KCNK10: variants seen among roughly 807,000 people sequenced by gnomAD.
KCNK10 encodes the protein potassium channel subfamily K member 10.
A neutral mutation model predicts 47.7 loss-of-function variants in KCNK10; 25 were observed. The ratio of observed to expected loss-of-function variants is 0.52; its 90% CI spans 0.38 to 0.73. The LOEUF (loss-of-function observed/expected upper bound fraction) is 0.73, where lower values mean the gene tolerates loss of function less well. KCNK10 is among the 30% of genes least tolerant of loss of function. The pLI is 0.00. For synonymous variants in KCNK10, 303 were observed against 285.6 expected (o/e 1.06, Z -0.61); for missense variants, 563 against 714.5 (o/e 0.79, Z 2.42).
chr14:88,278,221 T>TAG (rs1887568222), intron 1 of KCNK10, among the ~76,000 whole-genome samples: 1 of 152,192 alleles, frequency 6.6e-6, no homozygotes, highest in African/African-American at 2.4e-5. Context: ...ATGGATCATA[T>TAG]AGAAGTCTGC....
At chr14:88,268,545 G>C (rs1887330398) in intron 1 of KCNK10, among the ~76,000 whole-genome samples, 3 of 152,188 alleles carry the variant, frequency 2.0e-5, no homozygotes, top group Admixed American at 1.3e-4. Flanking sequence ...CAGAGTGTAG[G>C]AACAGGAAAA....
chr14:88,270,975 C>A (rs1887393290), intron 1 of KCNK10: 3 of 632,520 alleles, frequency 4.7e-6, no homozygotes, highest in African/African-American at 3.6e-5. Flanking sequence ...CACTGCCACG[C>A]CCCCACAAGC....
chr14:88,322,428 C>A lies in KCNK10; in HGVS notation c.52+319G>T, dbSNP rs1888567319. On this transcript the variant is annotated intron_variant, in intron 1 of 6. Coordinates refer to ENST00000319231, the MANE Select transcript of KCNK10 (RefSeq NM_138317.3). This position sits in a 1 kb window ranked among gnomAD's most constrained non-coding sequence, Gnocchi z 4.8. ...CAAAGGACACACACACACACACACA[C>A]ACACACACACACTCGCACACTCAAA... Among the ~76,000 whole-genome samples, 1 of 152,100 alleles carries A rather than the reference C, an allele frequency of 6.6e-6. No individual in the cohort carries two copies. Among genetic ancestry groups the A allele is most frequent in the African/African-American group, 2.4e-5 (1 of 41,410 alleles).
chr14:88,323,230 G>A lies in KCNK10; in HGVS notation c.-432C>T. On this transcript the variant is annotated 5_prime_UTR_variant, in exon 1 of 7. Transcript: ENST00000319231. ...CGAAGGCGTGTGCGCACACACTCCC[G>A]CACACACACACCCGCACACACACTC... 9 of 1,008,576 alleles carry A rather than the reference G, an allele frequency of 8.9e-6. No homozygotes were observed. The highest frequency in any genetic ancestry group is 1.1e-4 in the Admixed American group (2 of 18,350). 62.5% of individuals were successfully genotyped at this position (1,008,576 alleles called of 1,614,324 possible).
intron 4 of KCNK10, among the ~76,000 whole-genome samples, chr14:88,210,464 C>A (rs982805553): frequency 6.6e-6 from 1 of 152,180 alleles, no homozygotes; most frequent in Non-Finnish European, 1.5e-5. Flanking sequence ...CAGTGAAGAA[C>A]AGAAAAGTGA....
chr14:88,240,968 C>T (rs1200358992), intron 2 of KCNK10, 148 bp from the exon 3 acceptor site: 2 of 543,624 alleles, frequency 3.7e-6, no homozygotes, highest in Non-Finnish European at 6.6e-6. Context: ...ATGATGGTAG[C>T]ATCCCAAAGC....
intron 4 of KCNK10, among the ~76,000 whole-genome samples, chr14:88,226,704 T>A (rs1885998050): frequency 6.6e-6 from 1 of 152,238 alleles, no homozygotes; most frequent in Admixed American, 6.5e-5. Flanking sequence ...AATAATTTAT[T>A]AATTAATTTT....
chr14:88,246,778 A>G lies in KCNK10; in HGVS notation c.403-5958T>C, dbSNP rs139997201. Among the ~76,000 whole-genome samples the G allele has an allele frequency of 6.6e-5, 10 of 152,366 alleles. No individual in the cohort carries two copies. In the East Asian group the frequency reaches 1.9e-3, roughly 29 times the overall value. Reference sequence around the variant, plus strand: ...AAAGCGGTAACCATTCAGCCTTGCAAGCTGTTCAGCTTCTCTGAACCTTGA... The same window carrying G: ...AAAGCGGTAACCATTCAGCCTTGCAGGCTGTTCAGCTTCTCTGAACCTTGA... On this transcript the variant is annotated intron_variant, in intron 2 of 6. Coordinates refer to ENST00000319231, the MANE Select transcript of KCNK10 (RefSeq NM_138317.3).
chr14:88,235,215 TCTC>T (rs762173224), intron 3 of KCNK10: 1 of 456,570 alleles, frequency 2.2e-6, no homozygotes, highest in Non-Finnish European at 4.4e-6. Context: ...CTCACCCTGC[TCTC>T]CTCTCCCCAA....
intron 1 of KCNK10, among the ~76,000 whole-genome samples, chr14:88,295,897 A>G (rs1182217475): frequency 6.6e-6 from 1 of 152,124 alleles, no homozygotes; most frequent in East Asian, 1.9e-4. Flanking sequence ...AGTCTTAACT[A>G]CAACAGCACT....
chr14:88,322,652 A>G lies in KCNK10; in HGVS notation c.52+95T>C. On this transcript the variant is annotated intron_variant, in intron 1 of 6. Coordinates refer to ENST00000319231, the MANE Select transcript of KCNK10 (RefSeq NM_138317.3). This position sits in a 1 kb window ranked among gnomAD's most constrained non-coding sequence, Gnocchi z 4.8. ...GGCGCATTTCCCAGCCTCAGGACAC[A>G]CGCTGCCAGAAGCAAGAGTGCTTCC... 6.5e-7 allele frequency: 1 copy of G among 1,542,288 alleles called. No individual in the cohort carries two copies. Among genetic ancestry groups the G allele is most frequent in the Non-Finnish European group, 9.0e-7 (1 of 1,116,550 alleles).
intron 4 of KCNK10, among the ~76,000 whole-genome samples, chr14:88,204,939 A>G (rs1238629197): frequency 6.6e-6 from 1 of 152,232 alleles, no homozygotes; most frequent in Non-Finnish European, 1.5e-5. Flanking sequence ...TTGGTGCTGT[A>G]CATCCTATGG....
intron 1 of KCNK10, among the ~76,000 whole-genome samples, chr14:88,306,742 T>C (rs1007978442): frequency 6.6e-6 from 1 of 152,138 alleles, no homozygotes; most frequent in Non-Finnish European, 1.5e-5. Context: ...TTCATTACAA[T>C]CTATTATTGA....
chr14:88,325,966 G>A (rs1391376764), upstream of KCNK10, among the ~76,000 whole-genome samples: 1 of 151,990 alleles, frequency 6.6e-6, no homozygotes, highest in Non-Finnish European at 1.5e-5. Flanking sequence ...GGGGAGGTGG[G>A]GGTAGACTCT....
At chr14:88,233,138 C>A (rs1287062629) in intron 3 of KCNK10, among the ~76,000 whole-genome samples, 1 of 152,120 alleles carries the variant, frequency 6.6e-6, no homozygotes, top group Non-Finnish European at 1.5e-5. Context: ...GCTTAAACAA[C>A]GAAAGAAAAT....
intron 1 of KCNK10, among the ~76,000 whole-genome samples, chr14:88,298,138 C>T (rs2139787431): frequency 6.6e-6 from 1 of 152,242 alleles, no homozygotes; most frequent in Admixed American, 6.5e-5. Flanking sequence ...AAAGGAACTA[C>T]CTATTTTATG....
In KCNK10 at chr14:88,264,712, T is replaced by C. The variant is rs747797025; in HGVS notation, c.53-1161A>G. Among the ~76,000 whole-genome samples, 63 of 152,354 alleles carry C rather than the reference T, an allele frequency of 4.1e-4. No individual in the cohort carries two copies. In the Middle Eastern group the frequency reaches 0.01, roughly 25 times the overall value. On this transcript the variant is annotated intron_variant, in intron 1 of 6. Coordinates refer to ENST00000319231, the MANE Select transcript of KCNK10 (RefSeq NM_138317.3). ...AACGTCAGTCTTTTATGGCATATTA[T>C]CCAATCCAATAAAATCACTCCATGT...
At chr14:88,299,587 C>G (rs891413800) in intron 1 of KCNK10, among the ~76,000 whole-genome samples, 2 of 152,102 alleles carry the variant, frequency 1.3e-5, no homozygotes, top group African/African-American at 4.8e-5. Context: ...CATAGGTACA[C>G]AAGACAGCAT....
At chr14:88,256,850 C>T (rs959174872) in intron 2 of KCNK10, among the ~76,000 whole-genome samples, 6 of 152,068 alleles carry the variant, frequency 3.9e-5, no homozygotes, top group African/African-American at 1.4e-4. Flanking sequence ...TACTGAGCTT[C>T]TTTTGTTTAA....
Sources: allele counts gnomAD v4.1 joint callset (sites outside exome capture counted in the v4.1 genomes callset), GRCh38; gene constraint gnomAD v4.1.1; non-coding constraint Gnocchi (gnomAD v3.1); transcripts MANE v1.5; gene names NCBI Gene and HGNC (gene_info 2026-07-23, HGNC 2026-07-21).